The following ADD3 variants were observed in gnomAD, a reference collection of about 807,000 sequenced individuals.
ADD3 encodes gamma-adducin.
In ADD3, 25 loss-of-function variants were observed where a neutral mutation model predicts 80.2. The ratio of observed to expected loss-of-function variants is 0.31; its 90% CI spans 0.23 to 0.44. The LOEUF (loss-of-function observed/expected upper bound fraction) is 0.44. ADD3 is among the 20% of genes least tolerant of loss of function. The pLI is 1.00. For missense variants in ADD3, 829 were observed against 847.5 expected, an observed-to-expected ratio of 0.98 and a Z score of 0.27; for synonymous variants, 284 against 289.6, an observed-to-expected ratio of 0.98 and a Z score of 0.20.
At chr10:110,068,897 T>C (rs1461451098) in intron 1 of ADD3, among the ~76,000 whole-genome samples, 1 of 152,078 alleles carries the variant, frequency 6.6e-6, no homozygotes, top group Non-Finnish European at 1.5e-5. Flanking sequence ...GGCAACGTGG[T>C]GAGACCTCGT....
chr10:110,063,106 C>T (rs920236875), intron 1 of ADD3, among the ~76,000 whole-genome samples: 5 of 151,886 alleles, frequency 3.3e-5, no homozygotes, highest in African/African-American at 7.3e-5. Context: ...TTTTTTTTAA[C>T]GACTAGAAGG....
At chr10:110,063,737 TTATATATATATATATATATA>T (rs139871560) in intron 1 of ADD3, among the ~76,000 whole-genome samples, 88 of 64,672 alleles carry the variant, frequency 1.4e-3, no homozygotes, top group South Asian at 3.4e-3. Flanking sequence ...TATATATTCA[TTATATATATATATATATATA>T]TATATATATA....
At chr10:110,012,955 C>G (rs889779565) in intron 1 of ADD3, among the ~76,000 whole-genome samples, 1 of 152,046 alleles carries the variant, frequency 6.6e-6, no homozygotes, top group African/African-American at 2.4e-5. Flanking sequence ...TCAGACTGAT[C>G]TGCATCAGCA....
At chr10:110,073,169 G>C (rs1844979932) in intron 1 of ADD3, among the ~76,000 whole-genome samples, 1 of 137,294 alleles carries the variant, frequency 7.3e-6, no homozygotes. Context: ...TCGAGACTGG[G>C]TCTAGCTCTG....
At chr10:110,117,498 G>C in intron 5 of ADD3, 76 bp downstream of exon 5, 1 of 861,380 alleles carries the variant, frequency 1.2e-6, no homozygotes, top group Non-Finnish European at 1.9e-6. Context: ...TTTTAGCACA[G>C]GACAGAATAA....
intron 12 of ADD3, among the ~76,000 whole-genome samples, chr10:110,129,443 C>G (rs1178607901): frequency 2.0e-5 from 3 of 152,118 alleles, no homozygotes; most frequent in African/African-American, 7.2e-5. Flanking sequence ...GCCACCGCGC[C>G]CAGCCTAGTT....
At chr10:110,057,657 C>T (rs1858372779) in intron 1 of ADD3, among the ~76,000 whole-genome samples, 1 of 152,124 alleles carries the variant, frequency 6.6e-6, no homozygotes, top group African/African-American at 2.4e-5. Context: ...AAAACCACTG[C>T]TCTAGTCAAT....
chr10:110,029,465 TAAG>T (rs1854729094), intron 1 of ADD3, among the ~76,000 whole-genome samples: 1 of 152,236 alleles, frequency 6.6e-6, no homozygotes, highest in Admixed American at 6.5e-5. Context: ...CTGAATCTGT[TAAG>T]GAGAAGTCCT....
chr10:110,037,547 G>T lies in ADD3; in HGVS notation c.-30+29248G>T, dbSNP rs1344750233. On this transcript the variant is annotated intron_variant, in intron 1 of 14. Transcript: ENST00000356080. ...TTGAATCTAGGAGACGGAGGTTGCA[G>T]TGAGCCGAGATCTCGCCACTGCCCT... Among the ~76,000 whole-genome samples, 4 of 150,380 alleles carry T rather than the reference G, an allele frequency of 2.7e-5. No individual in the cohort carries two copies. The South Asian group carries it at 8.4e-4, about 32-fold the overall frequency.
intron 2 of ADD3, among the ~76,000 whole-genome samples, chr10:110,106,888 T>C (rs1445174132): frequency 6.6e-6 from 1 of 152,136 alleles, no homozygotes; most frequent in East Asian, 1.9e-4. Context: ...AGAAAATAAA[T>C]CTTACCTAGT....
intron 1 of ADD3, among the ~76,000 whole-genome samples, chr10:110,015,825 TAAAACA>T (rs1852918462): frequency 6.6e-6 from 1 of 152,162 alleles, no homozygotes; most frequent in South Asian, 2.1e-4. Context: ...AATACCTTAG[TAAAACA>T]TGCGATAGAC....
chr10:110,058,639 T>C lies in ADD3; in HGVS notation c.-29-41986T>C, dbSNP rs1197129550. Among the ~76,000 whole-genome samples the C allele has an allele frequency of 5.9e-5, 9 of 152,202 alleles. No homozygotes were observed. The East Asian group carries it at 1.7e-3, about 29-fold the overall frequency. On this transcript the variant is annotated intron_variant, in intron 1 of 14. Coordinates refer to ENST00000356080, the MANE Select transcript of ADD3 (RefSeq NM_016824.5). ...AAAGGAGTATTAATTTGAAAATAAT[T>C]CTATAGCATTTTCTTGGGGAAAAAA...
chr10:110,006,654 A>G (rs1243047492), upstream of ADD3, among the ~76,000 whole-genome samples: 1 of 152,200 alleles, frequency 6.6e-6, no homozygotes, highest in Admixed American at 6.5e-5. Context: ...AGAAAACGAT[A>G]AATGCATCAC....
intron 1 of ADD3, among the ~76,000 whole-genome samples, chr10:110,044,283 A>G (rs1856685122): frequency 1.3e-5 from 2 of 152,178 alleles, no homozygotes; most frequent in South Asian, 4.1e-4. Flanking sequence ...TAGATTGATT[A>G]TATTAGGACA....
At chr10:110,060,635 T>C (rs1858767428) in intron 1 of ADD3, among the ~76,000 whole-genome samples, 1 of 152,248 alleles carries the variant, frequency 6.6e-6, no homozygotes, top group Non-Finnish European at 1.5e-5. Context: ...TCTTTGCCAC[T>C]GGAACAATAT....
chr10:110,116,953 T>C (rs1259105471), intron 4 of ADD3, among the ~76,000 whole-genome samples: 6 of 152,204 alleles, frequency 3.9e-5, no homozygotes, highest in Non-Finnish European at 7.4e-5. Flanking sequence ...TTATTTTAAT[T>C]CCTTCCTAGG....
In ADD3 at chr10:110,116,401, C is replaced by G; in HGVS notation, c.477C>G (p.Thr159=). The stretch of plus-strand genomic sequence containing the variant: ...TTGGATGGGCACACCTGGCAAATAC[C>G]TATATCTCAGTGAGTTCTTCAGCTT... ...DLFGWAHLAN[T]YISVRISKEQ... is the part of the protein sequence containing the mutation. The change falls in exon 4 of 15, where the codon ACC becomes ACG. Residue 159 remains threonine (T), a synonymous_variant. Coordinates refer to ENST00000356080, the MANE Select transcript of ADD3 (RefSeq NM_016824.5). 4.3e-6 allele frequency: 7 copies of G among 1,613,832 alleles called. No homozygotes were observed. The highest frequency in any genetic ancestry group is 5.9e-6 in the Non-Finnish European group (7 of 1,179,906).
chr10:110,079,991 C>G (rs948530005), intron 1 of ADD3, among the ~76,000 whole-genome samples: 1 of 152,208 alleles, frequency 6.6e-6, no homozygotes, highest in Non-Finnish European at 1.5e-5. Context: ...TCAGTCTTCT[C>G]CTACCTCCGT....
At chr10:110,070,987 G>A (rs868473029) in intron 1 of ADD3, among the ~76,000 whole-genome samples, 6 of 100,682 alleles carry the variant, frequency 6.0e-5, no homozygotes, top group African/African-American at 1.2e-4. Flanking sequence ...TTTTTGGGGG[G>A]GGGGGGTGGG....
Sources: gnomAD v4.1 joint callset for allele counts (sites outside exome capture counted in the v4.1 genomes callset) on GRCh38, gnomAD v4.1.1 for gene constraint, MANE v1.5 for transcripts, NCBI Gene and HGNC (gene_info 2026-07-23, HGNC 2026-07-21) for gene names.